Variants in MAP4K3 observed in about 807,000 individuals in gnomAD.
MAP4K3 encodes the protein mitogen-activated protein kinase kinase kinase kinase 3.
A neutral mutation model predicts 143.5 loss-of-function variants in MAP4K3; 94 were observed. The observed-to-expected ratio is 0.65, with a 90% CI of 0.55 to 0.78. MAP4K3 has a LOEUF of 0.78. Among genes scored for constraint, MAP4K3 ranks in the 30% least tolerant of loss-of-function variants. MAP4K3 has a pLI of 0.00. For synonymous variants in MAP4K3, 416 were observed against 347.2 expected, an observed-to-expected ratio of 1.20 and a Z score of -2.20; for missense variants, 1,077 against 1,068.1, an observed-to-expected ratio of 1.01 and a Z score of -0.12.
intron 1 of MAP4K3, among the ~76,000 whole-genome samples, chr2:39,379,493 T>C (rs958524219): frequency 7.2e-5 from 11 of 152,070 alleles, no homozygotes; most frequent in Non-Finnish European, 1.6e-4. Flanking sequence ...ACTAGTTCCT[T>C]TCTCTAGGAA....
Position 39,293,364 on chromosome 2 carries a change from T to C in MAP4K3, c.1179-96A>G, listed in dbSNP as rs544397068. ...CATTTTAACCTTAACCATACATTTT[T>C]TGAATGATTACTTTTTTACCATTTA... On this transcript the variant is annotated intron_variant, in intron 16 of 33. Coordinates refer to ENST00000263881, the MANE Select transcript of MAP4K3 (RefSeq NM_003618.4). 84 of 812,924 alleles carry C rather than the reference T, an allele frequency of 1.0e-4. No homozygotes were observed. In the African/African-American group the frequency reaches 1.4e-3, roughly 13 times the overall value. 50.4% of individuals were successfully genotyped at this position (812,924 alleles called of 1,614,324 possible).
At chr2:39,373,571 G>A (rs1431148418) in intron 2 of MAP4K3, among the ~76,000 whole-genome samples, 1 of 152,178 alleles carries the variant, frequency 6.6e-6, no homozygotes, top group Non-Finnish European at 1.5e-5. Context: ...AGAAAGAAAT[G>A]TGATACATAC....
At chr2:39,259,201 T>C (rs1573062271) in intron 29 of MAP4K3, among the ~76,000 whole-genome samples, 1 of 152,086 alleles carries the variant, frequency 6.6e-6, no homozygotes, top group East Asian at 1.9e-4. Flanking sequence ...CTATATCGCC[T>C]AGGCTGAGGT....
At chr2:39,320,714 CTT>C (rs1683272560) in intron 12 of MAP4K3, among the ~76,000 whole-genome samples, 1 of 152,146 alleles carries the variant, frequency 6.6e-6, no homozygotes, top group African/African-American at 2.4e-5. Context: ...ATTCAAAAAA[CTT>C]TTGCAGCTCC....
intron 16 of MAP4K3, among the ~76,000 whole-genome samples, chr2:39,294,586 A>G (rs1207612276): frequency 6.6e-6 from 1 of 152,206 alleles, no homozygotes; most frequent in African/African-American, 2.4e-5. Flanking sequence ...TGCCTTCACC[A>G]TCACAGGATA....
intron 1 of MAP4K3, among the ~76,000 whole-genome samples, chr2:39,391,163 G>A (rs1666642406): frequency 6.6e-6 from 1 of 151,730 alleles, no homozygotes. Flanking sequence ...AGACCATCCT[G>A]GCTAACACAG....
At chr2:39,390,013 G>A (rs990729688) in intron 1 of MAP4K3, among the ~76,000 whole-genome samples, 5 of 152,154 alleles carry the variant, frequency 3.3e-5, no homozygotes, top group African/African-American at 1.2e-4. Context: ...CAGAGTTAGT[G>A]AATAATTTGG....
chr2:39,268,228 T>TACACTACAC (rs1214476117), intron 26 of MAP4K3, among the ~76,000 whole-genome samples: 16 of 152,174 alleles, frequency 1.1e-4, no homozygotes, highest in South Asian at 2.1e-4. Context: ...TACACTCAAA[T>TACACTACAC]GTCTTTTAAA....
intron 19 of MAP4K3, 78 bp downstream of exon 19, chr2:39,290,214 T>C: frequency 9.5e-7 from 1 of 1,049,006 alleles, no homozygotes; most frequent in South Asian, 1.7e-5. Flanking sequence ...AATGAAAAGC[T>C]AGAAAAACTC....
At chr2:39,320,090 T>C (rs1285944520) in intron 12 of MAP4K3, among the ~76,000 whole-genome samples, 1 of 152,210 alleles carries the variant, frequency 6.6e-6, no homozygotes, top group African/African-American at 2.4e-5. Context: ...GGCTGTTTTT[T>C]CTTCTCCTGA....
chr2:39,401,883 A>G (rs1429960324), intron 1 of MAP4K3, among the ~76,000 whole-genome samples: 2 of 152,230 alleles, frequency 1.3e-5, no homozygotes, highest in African/African-American at 4.8e-5. Context: ...TACTAACAGG[A>G]ATACAAAAAT....
At chr2:39,291,760 C>A (rs554531129) in intron 18 of MAP4K3, among the ~76,000 whole-genome samples, 1 of 152,154 alleles carries the variant, frequency 6.6e-6, no homozygotes, top group African/African-American at 2.4e-5. Context: ...AGGTGCAGTC[C>A]CAGCTACTCA....
chr2:39,325,321 A>G (rs543382080), intron 12 of MAP4K3, among the ~76,000 whole-genome samples, 197 bp downstream of exon 12: 14 of 152,216 alleles, frequency 9.2e-5, no homozygotes, highest in Non-Finnish European at 1.9e-4. Flanking sequence ...GTCACCTATA[A>G]GTAGTCAGTA....
chr2:39,436,843 T>G (rs1418646226), intron 1 of MAP4K3, 49 bp downstream of exon 1: 2 of 1,527,444 alleles, frequency 1.3e-6, no homozygotes, highest in Non-Finnish European at 1.8e-6. Flanking sequence ...CAGGCTTGGC[T>G]GCGGGTCGGG....
chr2:39,378,713 A>G (rs1666284846), intron 1 of MAP4K3, among the ~76,000 whole-genome samples: 1 of 152,072 alleles, frequency 6.6e-6, no homozygotes, highest in African/African-American at 2.4e-5. Context: ...CCTTTTAAAC[A>G]CACCTGATGG....
At chr2:39,289,140 C>G (rs1232365615) in intron 19 of MAP4K3, among the ~76,000 whole-genome samples, 2 of 152,138 alleles carry the variant, frequency 1.3e-5, no homozygotes, top group Non-Finnish European at 2.9e-5. Context: ...ACTTTCTGTA[C>G]AAACAATGGA....
chr2:39,288,150 C>T lies in MAP4K3; in HGVS notation c.1445G>A (p.Arg482Lys), dbSNP rs754862131. 34 of 1,613,916 alleles carry T rather than the reference C, an allele frequency of 2.1e-5. No homozygotes were observed. Among genetic ancestry groups the T allele is most frequent in the Middle Eastern group, 1.6e-4 (1 of 6,084 alleles). The change falls in exon 20 of 34, where the codon AGA becomes AAA. Residue 482 changes from arginine (R) to lysine (K), a missense_variant. Arg to Lys is a conservative substitution (Grantham distance 26). Around this residue, in one of 2 missense-constraint regions of MAP4K3, gnomAD observed 864 missense variants for 801.2 expected, o/e 1.08. Coordinates refer to ENST00000263881, the MANE Select transcript of MAP4K3 (RefSeq NM_003618.4). ...SQVPPRPPPP[R>K]LPPHKPVALG... ...GGCAACAGGTTTGTGTGGGGGTAAT[C>T]TGGGAGGTGGTGGTCTAGGTGGAAC...
rs573590199 is a variant in MAP4K3, at chr2:39,258,199, T to G, written c.2470+149A>C. 1.6e-4 allele frequency: 104 copies of G among 634,180 alleles called. No homozygotes were observed. The African/African-American group carries it at 1.7e-3, about 10-fold the overall frequency. 39.3% of individuals were successfully genotyped at this position (634,180 alleles called of 1,614,324 possible). ...CACCCACCTTGGCCTCCCAAAGTGC[T>G]GGGATTACAGGCATGAGCCACCATG... On this transcript the variant is annotated intron_variant, in intron 31 of 33. Coordinates refer to ENST00000263881, the MANE Select transcript of MAP4K3 (RefSeq NM_003618.4).
At chr2:39,292,908 G>C (rs1573106358) in intron 17 of MAP4K3, 82 bp from the exon 18 acceptor site, 3 of 1,146,866 alleles carry the variant, frequency 2.6e-6, no homozygotes, top group Non-Finnish European at 3.9e-6. Flanking sequence ...TGCAGGAAAA[G>C]CTACTGTAAG....
Sources: gnomAD v4.1 joint callset for allele counts (sites outside exome capture counted in the v4.1 genomes callset) on GRCh38, gnomAD v4.1.1 for gene constraint, gnomAD v4.1.1 regional missense constraint, MANE v1.5 for transcripts, NCBI Gene and HGNC (gene_info 2026-07-23, HGNC 2026-07-21) for gene names.